Variants in NCKAP5 observed in about 807,000 individuals in gnomAD.
NCKAP5 encodes the protein NCK associated protein 5.
In NCKAP5, 92 loss-of-function variants were observed where a neutral mutation model predicts 167.0. That is an observed-to-expected ratio of 0.55 (90% CI 0.47 to 0.66). The LOEUF (loss-of-function observed/expected upper bound fraction) is 0.66, where lower values mean the gene tolerates loss of function less well. Among genes scored for constraint, NCKAP5 ranks in the 30% least tolerant of loss-of-function variants. NCKAP5 has a pLI of 0.00. For missense variants in NCKAP5, 2,378 were observed against 2,315.0 expected, an observed-to-expected ratio of 1.03 and a Z score of -0.56; for synonymous variants, 891 against 877.4, an observed-to-expected ratio of 1.02 and a Z score of -0.27.
intron 10 of NCKAP5, among the ~76,000 whole-genome samples, chr2:132,867,368 T>C (rs947307410): frequency 6.6e-6 from 1 of 152,136 alleles, no homozygotes; most frequent in Admixed American, 6.6e-5. Context: ...AATTCAAAAA[T>C]GTTGAAGCAG....
At chr2:133,386,105 G>T (rs1425401993) in intron 3 of NCKAP5, among the ~76,000 whole-genome samples, 5 of 152,018 alleles carry the variant, frequency 3.3e-5, no homozygotes, top group Non-Finnish European at 7.4e-5. Flanking sequence ...GAATGTGTTT[G>T]CTCTTGCTTC....
the NCKAP5 span, among the ~76,000 whole-genome samples, chr2:133,632,381 G>A: frequency 9.5e-4 from 145 of 152,320 alleles, 3 homozygotes; most frequent in African/African-American, 3.3e-3. Flanking sequence ...AAGGCTGCCT[G>A]GATTAATAAT....
intron 8 of NCKAP5, among the ~76,000 whole-genome samples, chr2:132,891,525 A>G (rs1286996771): frequency 6.6e-6 from 1 of 152,126 alleles, no homozygotes; most frequent in Non-Finnish European, 1.5e-5. Context: ...TGTTTTGTTT[A>G]TGAGTCTGCC....
At chr2:132,748,210 G>C (rs1236571788) in intron 16 of NCKAP5, among the ~76,000 whole-genome samples, 1 of 152,184 alleles carries the variant, frequency 6.6e-6, no homozygotes, top group African/African-American at 2.4e-5. Context: ...AAGGGAGAGA[G>C]AAGTTGACTC....
At chr2:133,135,938 C>T (rs1285746266) in intron 5 of NCKAP5, among the ~76,000 whole-genome samples, 1 of 152,092 alleles carries the variant, frequency 6.6e-6, no homozygotes. Flanking sequence ...TAACATTTGT[C>T]TTTAATAACC....
At chr2:133,057,787 A>G (rs780583222) in intron 6 of NCKAP5, among the ~76,000 whole-genome samples, 6 of 152,250 alleles carry the variant, frequency 3.9e-5, no homozygotes, top group Non-Finnish European at 7.3e-5. Flanking sequence ...AGCTCAAATA[A>G]CAGATAAAGA....
chr2:132,994,215 T>C lies in NCKAP5; in HGVS notation c.366A>G (p.Leu122=), dbSNP rs771949892. 1.3e-6 allele frequency: 2 copies of C among 1,589,876 alleles called. No individual in the cohort carries two copies. Among genetic ancestry groups the C allele is most frequent in the Non-Finnish European group, 8.6e-7 (1 of 1,167,092 alleles). The part of the protein sequence containing the change: ...FSRMEETVRN[L]LQSQGSPEQK... ...GCTCTGGAGATCCTTGACTCTGCAA[T>C]AGATTTCGTACTGTTTCTTCCATCC... Residue 122 remains leucine (L), a synonymous_variant, in exon 7 of 20, where the codon CTA becomes CTG. Coordinates refer to ENST00000409261, the MANE Select transcript of NCKAP5 (RefSeq NM_207363.3).
chr2:133,035,394 A>G (rs1417669169), intron 6 of NCKAP5, among the ~76,000 whole-genome samples: 1 of 152,044 alleles, frequency 6.6e-6, no homozygotes, highest in Non-Finnish European at 1.5e-5. Flanking sequence ...CTTAATCTGT[A>G]CTATCAACCA....
At chr2:133,060,273 G>A (rs1231594429) in intron 6 of NCKAP5, among the ~76,000 whole-genome samples, 1 of 152,210 alleles carries the variant, frequency 6.6e-6, no homozygotes, top group Admixed American at 6.5e-5. Flanking sequence ...AAAGTAGCAG[G>A]TGTGAAATGT....
intron 13 of NCKAP5, among the ~76,000 whole-genome samples, chr2:132,788,205 C>A (rs750434580): frequency 6.6e-6 from 1 of 152,090 alleles, no homozygotes; most frequent in Non-Finnish European, 1.5e-5. Flanking sequence ...TCCTTTGCTG[C>A]GAAAGTTGGA....
chr2:133,621,552 A>C, the NCKAP5 span, among the ~76,000 whole-genome samples: 1 of 151,926 alleles, frequency 6.6e-6, no homozygotes, highest in Non-Finnish European at 1.5e-5. Flanking sequence ...GGAAATATAC[A>C]ACCCTCTTAG....
chr2:132,703,845 A>G (rs1192293384), intron 19 of NCKAP5, among the ~76,000 whole-genome samples: 4 of 152,202 alleles, frequency 2.6e-5, no homozygotes, highest in Non-Finnish European at 5.9e-5. Flanking sequence ...CATATTTCAT[A>G]ATGTTTGAAT....
At chr2:133,242,254 C>CT (rs1485944636) in intron 4 of NCKAP5, among the ~76,000 whole-genome samples, 25 of 135,414 alleles carry the variant, frequency 1.8e-4, no homozygotes, top group East Asian at 6.0e-4. Flanking sequence ...CTTTTCTTTT[C>CT]TTTTCTTTTT....
At chr2:133,662,511 A>C in the NCKAP5 span, among the ~76,000 whole-genome samples, 1 of 151,166 alleles carries the variant, frequency 6.6e-6, no homozygotes, top group African/African-American at 2.4e-5. Flanking sequence ...ACATATATAC[A>C]TTTAACTTGA....
At chr2:133,209,101 G>A (rs1487863876) in intron 5 of NCKAP5, among the ~76,000 whole-genome samples, 1 of 151,738 alleles carries the variant, frequency 6.6e-6, no homozygotes, top group Non-Finnish European at 1.5e-5. Context: ...AGTTCTAGAA[G>A]ATAATGAGAA....
In NCKAP5 at chr2:132,964,677, A is replaced by T. The variant is rs925818603; in HGVS notation, c.430-808T>A. On this transcript the variant is annotated intron_variant, in intron 7 of 19. Transcript: ENST00000409261. ...CAATCAGGTGACATCCTTCCATTAC[A>T]CTATTTAATTCTAAACACAATGCTG... is the stretch of plus-strand genomic sequence containing the variant. 2.6e-5 allele frequency among the ~76,000 whole-genome samples: 4 copies of T among 152,262 alleles called. No homozygotes were observed. The South Asian group carries it at 8.3e-4, about 32-fold the overall frequency.
At chr2:133,235,898 C>T (rs2087387454) in intron 4 of NCKAP5, among the ~76,000 whole-genome samples, 1 of 144,690 alleles carries the variant, frequency 6.9e-6, no homozygotes, top group Non-Finnish European at 1.5e-5. Context: ...AAGTGAAACT[C>T]TATCTCAAAA....
At chr2:133,295,843 C>G (rs1679921616) in intron 4 of NCKAP5, among the ~76,000 whole-genome samples, 1 of 152,170 alleles carries the variant, frequency 6.6e-6, no homozygotes. Context: ...TGGTTGGTAG[C>G]TGGCACTCTG....
intron 3 of NCKAP5, among the ~76,000 whole-genome samples, chr2:133,428,836 A>G (rs75529739): frequency 0.033 from 5,041 of 152,244 alleles, 121 homozygotes; most frequent in Admixed American, 0.079. Flanking sequence ...TATTTTACCT[A>G]TTAGATTGAC....
Sources: allele counts gnomAD v4.1 joint callset (sites outside exome capture counted in the v4.1 genomes callset), GRCh38; gene constraint gnomAD v4.1.1; transcripts MANE v1.5; gene names NCBI Gene and HGNC (gene_info 2026-07-23, HGNC 2026-07-21).